Variants in CAMTA1 observed in about 807,000 individuals in gnomAD.
The protein encoded by CAMTA1 is calmodulin binding transcription activator 1.
In CAMTA1, 27 loss-of-function variants were observed where a neutral mutation model predicts 170.9. The ratio of observed to expected loss-of-function variants is 0.16; its 90% confidence interval spans 0.12 to 0.22. CAMTA1 has a LOEUF of 0.22. Ranked by LOEUF, CAMTA1 falls within the 10% of genes least tolerant of loss-of-function variation. The probability of loss-of-function intolerance (pLI) is 1.00; values close to 1 mark genes in which losing one functional copy is unlikely to be tolerated. For synonymous variants in CAMTA1, 833 were observed against 891.5 expected (o/e 0.93, Z 1.17); for missense variants, 1,619 against 2,217.2 (o/e 0.73, Z 5.42).
intron 3 of CAMTA1, among the ~76,000 whole-genome samples, chr1:6,927,536 A>T (rs1029714121): frequency 1.3e-5 from 2 of 152,250 alleles, no homozygotes; most frequent in Admixed American, 1.3e-4. Flanking sequence ...CAGGCACTGG[A>T]CAACTGTAAA....
intron 4 of CAMTA1, among the ~76,000 whole-genome samples, chr1:7,235,909 C>G (rs1052104972): frequency 1.3e-5 from 2 of 152,216 alleles, no homozygotes; most frequent in Admixed American, 1.3e-4. Flanking sequence ...ATTGGTGCTA[C>G]CTTCTCCTTG....
At chr1:6,968,114 A>G (rs1327798249) in intron 3 of CAMTA1, among the ~76,000 whole-genome samples, 1 of 152,186 alleles carries the variant, frequency 6.6e-6, no homozygotes, top group Non-Finnish European at 1.5e-5. Flanking sequence ...CTCCTGCATC[A>G]TGGAACCCAC....
intron 3 of CAMTA1, among the ~76,000 whole-genome samples, chr1:6,864,557 A>G (rs1458514880): frequency 6.6e-6 from 1 of 152,004 alleles, no homozygotes; most frequent in East Asian, 1.9e-4. Flanking sequence ...TCTCCTGCCA[A>G]GCCCCTCTCG....
chr1:7,632,667 G>C (rs910431890), intron 6 of CAMTA1, among the ~76,000 whole-genome samples: 2 of 152,266 alleles, frequency 1.3e-5, no homozygotes, highest in Non-Finnish European at 2.9e-5. Flanking sequence ...TGGAGGAGCC[G>C]AGGCCAGGGC....
chr1:7,701,208 T>C (rs573343982), intron 11 of CAMTA1, among the ~76,000 whole-genome samples: 2 of 152,340 alleles, frequency 1.3e-5, no homozygotes, highest in East Asian at 3.9e-4. Flanking sequence ...ATCTGACTTT[T>C]TGAAGCTTTC....
At chr1:7,718,216 C>CGTTCCGTAAACACAGTGGGT (rs556405315) in intron 11 of CAMTA1, among the ~76,000 whole-genome samples, 9 of 151,636 alleles carry the variant, frequency 5.9e-5, no homozygotes, top group Admixed American at 2.0e-4. Context: ...ACACAGTGGG[C>CGTTCCGTAAACACAGTGGGT]GTTCCGTAAA....
At chr1:7,157,108 C>A (rs1352180134) in intron 4 of CAMTA1, among the ~76,000 whole-genome samples, 2 of 152,080 alleles carry the variant, frequency 1.3e-5, no homozygotes, top group Admixed American at 1.3e-4. Context: ...CTTTGGGAGG[C>A]TGAGGTGGGC....
At chr1:7,652,269 A>G (rs2095853048) in intron 7 of CAMTA1, among the ~76,000 whole-genome samples, 1 of 152,122 alleles carries the variant, frequency 6.6e-6, no homozygotes, top group Admixed American at 6.5e-5. Flanking sequence ...AGCGTTGCTG[A>G]GATGTCCTCC....
chr1:7,421,283 G>T (rs1433134511), intron 5 of CAMTA1, among the ~76,000 whole-genome samples: 1 of 151,894 alleles, frequency 6.6e-6, no homozygotes, highest in Non-Finnish European at 1.5e-5. Context: ...CTCCCGAGTA[G>T]CTGGGATTAC....
At chr1:7,446,189 A>G (rs1295481941) in intron 5 of CAMTA1, among the ~76,000 whole-genome samples, 1 of 151,920 alleles carries the variant, frequency 6.6e-6, no homozygotes, top group Non-Finnish European at 1.5e-5. Context: ...GTGAAAAAAA[A>G]AAAAAAGCCT....
chr1:7,280,190 G>A (rs1439568729), intron 5 of CAMTA1, among the ~76,000 whole-genome samples: 1 of 152,228 alleles, frequency 6.6e-6, no homozygotes, highest in African/African-American at 2.4e-5. Context: ...GGGCACTGAG[G>A]CACCAAGGCA....
At chr1:7,171,581 A>G (rs979002654) in intron 4 of CAMTA1, among the ~76,000 whole-genome samples, 2 of 152,178 alleles carry the variant, frequency 1.3e-5, no homozygotes, top group African/African-American at 4.8e-5. Flanking sequence ...CCCCCAATCA[A>G]ATCCATCCCT....
intron 19 of CAMTA1, among the ~76,000 whole-genome samples, chr1:7,750,623 G>A (rs1305256626): frequency 6.6e-6 from 1 of 152,212 alleles, no homozygotes; most frequent in East Asian, 1.9e-4. Context: ...AGGTTTCACG[G>A]CTTCACCACC....
At chr1:7,359,408 C>A (rs370708819) in intron 5 of CAMTA1, among the ~76,000 whole-genome samples, 3 of 152,180 alleles carry the variant, frequency 2.0e-5, no homozygotes, top group African/African-American at 7.2e-5. Flanking sequence ...CCCTCCCCAC[C>A]CCCTGGTTTT....
intron 3 of CAMTA1, among the ~76,000 whole-genome samples, chr1:6,957,706 T>C (rs1419465899): frequency 6.6e-6 from 1 of 152,206 alleles, no homozygotes; most frequent in Non-Finnish European, 1.5e-5. Context: ...CATCTCGAGA[T>C]CAGCTGATTA....
chr1:7,382,168 G>A (rs1009420495), intron 5 of CAMTA1, among the ~76,000 whole-genome samples: 2 of 152,196 alleles, frequency 1.3e-5, no homozygotes, highest in African/African-American at 4.8e-5. Flanking sequence ...TACAGAGGAG[G>A]GTAGGAAATG....
chr1:6,900,741 C>G (rs1169511713), intron 3 of CAMTA1, among the ~76,000 whole-genome samples: 1 of 152,126 alleles, frequency 6.6e-6, no homozygotes, highest in Admixed American at 6.5e-5. Flanking sequence ...TGTAAGACCT[C>G]TATGCTGAAA....
chr1:7,183,021 A>C (rs1652535642), intron 4 of CAMTA1, among the ~76,000 whole-genome samples: 1 of 152,220 alleles, frequency 6.6e-6, no homozygotes, highest in Non-Finnish European at 1.5e-5. Context: ...TCTGTTTTGC[A>C]TTGCTATAAA....
chr1:7,245,137 A>G (rs1435528019), intron 4 of CAMTA1, among the ~76,000 whole-genome samples: 3 of 151,134 alleles, frequency 2.0e-5, no homozygotes, highest in African/African-American at 7.3e-5. Context: ...CATTTCATCA[A>G]TCTATCTAGT....
Sources: gnomAD v4.1 joint callset for allele counts (sites outside exome capture counted in the v4.1 genomes callset) on GRCh38, gnomAD v4.1.1 for gene constraint, MANE v1.5 for transcripts, NCBI Gene and HGNC (gene_info 2026-07-23, HGNC 2026-07-21) for gene names.